TPO: variants seen among roughly 807,000 people sequenced by gnomAD.
TPO encodes the protein thyroid peroxidase.
In TPO, 78 loss-of-function variants were observed where a neutral mutation model predicts 96.9. That is an observed-to-expected ratio of 0.81 (90% confidence interval 0.67 to 0.97). The LOEUF is 0.97. TPO is among the 50% of genes least tolerant of loss of function. The probability of loss-of-function intolerance (pLI) is 0.00; values close to 1 mark genes in which losing one functional copy is unlikely to be tolerated. For missense variants in TPO, 1,252 were observed against 1,274.8 expected (o/e 0.98, Z 0.27); for synonymous variants, 547 against 538.0 (o/e 1.02, Z -0.23).
chr2:1,489,214 A>G (rs1264956868), intron 10 of TPO, among the ~76,000 whole-genome samples: 1 of 144,972 alleles, frequency 6.9e-6, no homozygotes, highest in Non-Finnish European at 1.5e-5. Context: ...GCACATGCCC[A>G]GCACACGCCT....
chr2:1,426,981 G>A (rs994812784), intron 3 of TPO, among the ~76,000 whole-genome samples: 12 of 152,136 alleles, frequency 7.9e-5, no homozygotes, highest in African/African-American at 1.9e-4. Context: ...GCCTGCCTAC[G>A]GAAGTGTTTA....
intron 14 of TPO, among the ~76,000 whole-genome samples, chr2:1,510,173 A>AT (rs1286470608): frequency 6.6e-6 from 1 of 152,250 alleles, no homozygotes; most frequent in Non-Finnish European, 1.5e-5. Context: ...AGATTTTTAA[A>AT]TAAAATGTTT....
chr2:1,493,576 T>C (rs143454583), intron 10 of TPO, among the ~76,000 whole-genome samples: 2,069 of 129,456 alleles, frequency 0.016, 157 homozygotes, highest in African/African-American at 0.067. Context: ...CGAGCTGGAA[T>C]ATCCTAGCCT....
chr2:1,393,216 G>A (rs542079966), intron 1 of TPO, among the ~76,000 whole-genome samples: 1 of 152,302 alleles, frequency 6.6e-6, no homozygotes, highest in East Asian at 1.9e-4. Flanking sequence ...AGGAGGAAGA[G>A]AGGAGAGGAG....
chr2:1,506,265 T>G (rs1395823436), intron 14 of TPO, among the ~76,000 whole-genome samples: 1 of 151,366 alleles, frequency 6.6e-6, no homozygotes. Flanking sequence ...TGCCACATTT[T>G]CTTAATCCAG....
At chr2:1,464,896 T>C (rs551917848) in intron 7 of TPO, among the ~76,000 whole-genome samples, 1 of 152,370 alleles carries the variant, frequency 6.6e-6, no homozygotes, top group African/African-American at 2.4e-5. Flanking sequence ...AAAAGCTCTT[T>C]AGTTTAATTA....
chr2:1,524,860 C>A (rs1676060868), intron 15 of TPO, among the ~76,000 whole-genome samples: 1 of 139,660 alleles, frequency 7.2e-6, no homozygotes, highest in Non-Finnish European at 1.6e-5. Context: ...CCCAAATCCC[C>A]CCACTGTGAT....
intron 3 of TPO, among the ~76,000 whole-genome samples, chr2:1,423,455 A>C (rs1276308420): frequency 6.6e-6 from 1 of 152,204 alleles, no homozygotes; most frequent in Non-Finnish European, 1.5e-5. Flanking sequence ...GGAGGAAAAG[A>C]GAGACCTAGA....
chr2:1,496,590 C>T lies in TPO; in HGVS notation c.2216-5C>T, dbSNP rs1672374384. 6.2e-7 allele frequency: 1 copy of T among 1,613,860 alleles called. No individual in the cohort carries two copies. Among genetic ancestry groups the T allele is most frequent in the Non-Finnish European group, 8.5e-7 (1 of 1,180,034 alleles). ...ACTACATGTCAACCTGTCCACATTT[C>T]ATAGACGACAAGTGTGGCTTCCCAG... On this transcript the variant is annotated splice_polypyrimidine_tract_variant and splice_region_variant and intron_variant, in intron 12 of 16. Coordinates refer to ENST00000329066, the MANE Select transcript of TPO (RefSeq NM_001206744.2).
chr2:1,380,221 C>T lies in TPO; in HGVS notation n.180+5819C>T, dbSNP rs1163739658. 2.3e-4 allele frequency among the ~76,000 whole-genome samples: 35 copies of T among 151,754 alleles called. No individual in the cohort carries two copies. The East Asian group carries it at 3.7e-3, about 16-fold the overall frequency. ...CATCCTGGCTAATACGGTGAAACCC[C>T]GTCTCTACTAAAAATACAAAAAATT... On this transcript the variant is annotated intron_variant and non_coding_transcript_variant, in intron 1 of 5. Coordinates refer to the TPO transcript ENST00000497517.
chr2:1,540,952 G>A (rs774323870), intron 16 of TPO: 21 of 1,505,896 alleles, frequency 1.4e-5, no homozygotes, highest in South Asian at 7.3e-5. Flanking sequence ...TGTACAAACC[G>A]GTTCCAAAAC....
chr2:1,508,335 T>C (rs1040167621), intron 14 of TPO, among the ~76,000 whole-genome samples: 3 of 152,180 alleles, frequency 2.0e-5, no homozygotes, highest in African/African-American at 4.8e-5. Flanking sequence ...AGGATATTGG[T>C]CTAAAATTCT....
intron 15 of TPO, among the ~76,000 whole-genome samples, chr2:1,521,429 G>A (rs987634063): frequency 2.6e-5 from 4 of 152,224 alleles, no homozygotes; most frequent in East Asian, 3.9e-4. Context: ...AGTGGGCCAC[G>A]GGATCCCTGT....
At chr2:1,421,246 G>C (rs2148428304) in intron 2 of TPO, among the ~76,000 whole-genome samples, 1 of 152,134 alleles carries the variant, frequency 6.6e-6, no homozygotes, top group South Asian at 2.1e-4. Flanking sequence ...AAACCTCTCT[G>C]TAAAACCATC....
At chr2:1,537,643 TC>T (rs56153611) in intron 15 of TPO, among the ~76,000 whole-genome samples, 1 of 80,942 alleles carries the variant, frequency 1.2e-5, no homozygotes, top group Non-Finnish European at 2.3e-5. Flanking sequence ...CATCCCCAGA[TC>T]CCCCCCAATG....
At chr2:1,528,573 G>A (rs1165078300) in intron 15 of TPO, among the ~76,000 whole-genome samples, 2 of 77,832 alleles carry the variant, frequency 2.6e-5, no homozygotes, top group Admixed American at 3.2e-4. Flanking sequence ...TCCCCAAATC[G>A]CCCCACTCTG....
At chr2:1,440,077 G>A (rs1446766357) in intron 5 of TPO, among the ~76,000 whole-genome samples, 1 of 152,186 alleles carries the variant, frequency 6.6e-6, no homozygotes, top group East Asian at 1.9e-4. Context: ...GGCTGGTGCT[G>A]CATTTCCAAT....
At position 1,542,660 on chromosome 2, in the gene TPO, C is replaced by CTTTTCTTGTAAA. The variant is rs1175035032; in HGVS notation, c.*187_*198dup. 1 of 1,521,452 alleles carries CTTTTCTTGTAAA rather than the reference C, an allele frequency of 6.6e-7. No individual in the cohort carries two copies. The highest frequency in any genetic ancestry group is 8.9e-7 in the Non-Finnish European group (1 of 1,124,994). 94.2% of individuals were successfully genotyped at this position (1,521,452 alleles called of 1,614,324 possible). ...AATGTTATAGCTGCATTTGTCTGGCCTTTTCTTGTAAACATTGCCTGATTT... is the reference window on the plus strand; with the variant it reads ...AATGTTATAGCTGCATTTGTCTGGCCTTTTCTTGTAAATTTTCTTGTAAACATTGCCTGATTT... On this transcript the variant is annotated 3_prime_UTR_variant, in exon 17 of 17. Coordinates refer to ENST00000329066, the MANE Select transcript of TPO (RefSeq NM_001206744.2).
chr2:1,526,309 A>C (rs1245175052), intron 15 of TPO, among the ~76,000 whole-genome samples: 3 of 69,480 alleles, frequency 4.3e-5, no homozygotes, highest in East Asian at 5.2e-4. Flanking sequence ...CATCTCCCCC[A>C]CTGTGAGCAA....
Sources: gnomAD v4.1 joint callset for allele counts (sites outside exome capture counted in the v4.1 genomes callset) on GRCh38, gnomAD v4.1.1 for gene constraint, MANE v1.5 for transcripts, NCBI Gene and HGNC (gene_info 2026-07-23, HGNC 2026-07-21) for gene names.